CNOT10: variants seen among roughly 807,000 people sequenced by gnomAD.
CNOT10 encodes the protein CCR4-NOT transcription complex subunit 10.
A neutral mutation model predicts 94.6 loss-of-function variants in CNOT10; 30 were observed. That is an observed-to-expected ratio of 0.32 (90% confidence interval 0.24 to 0.43). The LOEUF (loss-of-function observed/expected upper bound fraction) is 0.43, where lower values mean the gene tolerates loss of function less well. Among genes scored for constraint, CNOT10 ranks in the 20% least tolerant of loss-of-function variants. The pLI is 1.00. For missense variants in CNOT10, 759 were observed against 877.2 expected (o/e 0.87, Z 1.70); for synonymous variants, 289 against 301.6 (o/e 0.96, Z 0.43).
chr3:32,695,930 A>C, intron 1 of CNOT10: 1 of 864,006 alleles, frequency 1.2e-6, no homozygotes, highest in Non-Finnish European at 1.8e-6. Flanking sequence ...AGAAATGTAC[A>C]AATACACAAG....
chr3:32,773,619 C>T lies in CNOT10; in HGVS notation c.*8C>T, dbSNP rs745753292. ...ACTGTGCAGAGAAAGTGATACTTCACTTTTGGAAAACTGTTACCTGAGACC... is the reference window on the plus strand; with the variant it reads ...ACTGTGCAGAGAAAGTGATACTTCATTTTTGGAAAACTGTTACCTGAGACC... On this transcript the variant is annotated 3_prime_UTR_variant, in exon 19 of 19. Transcript: ENST00000328834. 5 of 1,601,602 alleles carry T rather than the reference C, an allele frequency of 3.1e-6. No homozygotes were observed. The Admixed American group carries it at 8.7e-5, about 28-fold the overall frequency.
At chr3:32,738,115 A>G (rs997085032) in intron 13 of CNOT10, among the ~76,000 whole-genome samples, 58 of 152,282 alleles carry the variant, frequency 3.8e-4, no homozygotes, top group African/African-American at 1.3e-3. Flanking sequence ...TTTCTGCAAG[A>G]GTCTGTGTAA....
At chr3:32,701,900 C>T (rs1268625378) in intron 1 of CNOT10, among the ~76,000 whole-genome samples, 1 of 152,134 alleles carries the variant, frequency 6.6e-6, no homozygotes, top group Non-Finnish European at 1.5e-5. Flanking sequence ...TCACGCCATT[C>T]TCCTGCCTCA....
rs564349789 is a variant in CNOT10 at position 32,695,832 on chromosome 3, G to T, written c.23-8036G>T. On this transcript the variant is annotated intron_variant, in intron 1 of 18. Transcript: ENST00000328834. ...ATTATGTGCAGACTCTGTCTGGTAAGAAGTCAGTAGTTATAAATAATAAAT... is the reference window on the plus strand; with the variant it reads ...ATTATGTGCAGACTCTGTCTGGTAATAAGTCAGTAGTTATAAATAATAAAT... 100 of 1,532,094 alleles carry T rather than the reference G, an allele frequency of 6.5e-5. No individual in the cohort carries two copies. In the African/African-American group the frequency reaches 1.2e-3, roughly 19 times the overall value. The allele number at this position is 1,532,094 out of a possible 1,614,324, so 94.9% of individuals were successfully genotyped here.
chr3:32,701,288 A>G (rs1472874147), intron 1 of CNOT10, among the ~76,000 whole-genome samples: 2 of 152,084 alleles, frequency 1.3e-5, no homozygotes, highest in Non-Finnish European at 2.9e-5. Flanking sequence ...CATTACCTAT[A>G]TATAGTATTC....
intron 4 of CNOT10, among the ~76,000 whole-genome samples, chr3:32,710,751 C>G (rs1358812206): frequency 6.6e-6 from 1 of 152,062 alleles, no homozygotes; most frequent in Non-Finnish European, 1.5e-5. Flanking sequence ...GATGGGGTCT[C>G]TTTCTGTTGC....
intron 10 of CNOT10, 71 bp from the exon 11 acceptor site, chr3:32,733,352 A>G: frequency 1.3e-5 from 15 of 1,148,340 alleles, no homozygotes; most frequent in Non-Finnish European, 1.7e-5. Context: ...ATTGTGAGAG[A>G]TATTCCCTCA....
At chr3:32,725,711 T>A in intron 9 of CNOT10, 112 bp downstream of exon 9, 1 of 932,494 alleles carries the variant, frequency 1.1e-6, no homozygotes, top group Non-Finnish European at 1.5e-6. Context: ...TAGTTAACTC[T>A]GATCTTACCC....
chr3:32,757,625 T>C (rs570860678), intron 13 of CNOT10, among the ~76,000 whole-genome samples: 87 of 152,310 alleles, frequency 5.7e-4, no homozygotes, highest in African/African-American at 2.0e-3. Context: ...AAAATACAAA[T>C]AAGCCAAAAG....
intron 6 of CNOT10, 107 bp downstream of exon 6, chr3:32,716,418 C>A: frequency 1.8e-6 from 1 of 553,060 alleles, no homozygotes; most frequent in South Asian, 3.1e-5. Context: ...ATTCAAGGTG[C>A]ATATATTTGT....
intron 8 of CNOT10, among the ~76,000 whole-genome samples, chr3:32,720,896 T>TTCCC (rs1453401009): frequency 2.4e-5 from 1 of 42,414 alleles, no homozygotes; most frequent in Non-Finnish European, 4.2e-5. Flanking sequence ...CTTCTTTTCC[T>TTCCC]TCCTTCCTTC....
In CNOT10 at chr3:32,751,695, C is replaced by A. The variant is rs147199491; in HGVS notation, c.1596-7763C>A. ...GTGTGCTTAAGAAACCATATTTCTT[C>A]TTTTGTTAGCCCAGTGGTGATATTG... On this transcript the variant is annotated intron_variant, in intron 13 of 18. Transcript: ENST00000328834. Among the ~76,000 whole-genome samples, 331 of 152,272 alleles carry A rather than the reference C, an allele frequency of 2.2e-3. 1 individual carries two copies. Among genetic ancestry groups the A allele is most frequent in the African/African-American group, 7.7e-3 (320 of 41,554 alleles).
chr3:32,726,030 T>G (rs1412319780), intron 9 of CNOT10, among the ~76,000 whole-genome samples: 2 of 152,132 alleles, frequency 1.3e-5, no homozygotes, highest in African/African-American at 4.8e-5. Flanking sequence ...TTTCAACTTC[T>G]GCCTCCTGGG....
chr3:32,754,951 A>G (rs1700156418), intron 13 of CNOT10, among the ~76,000 whole-genome samples: 1 of 151,818 alleles, frequency 6.6e-6, no homozygotes, highest in African/African-American at 2.4e-5. Context: ...CAGTTTGTTG[A>G]AAGAAATTAC....
intron 13 of CNOT10, chr3:32,753,786 C>G (rs755019709): frequency 5.6e-6 from 9 of 1,599,406 alleles, no homozygotes; most frequent in Non-Finnish European, 7.7e-6. Context: ...TGAAATGTGC[C>G]ATGAACAGAT....
At chr3:32,696,573 T>G (rs541187299) in intron 1 of CNOT10, among the ~76,000 whole-genome samples, 2 of 152,202 alleles carry the variant, frequency 1.3e-5, no homozygotes, top group African/African-American at 2.4e-5. Flanking sequence ...CTTGTCAGCC[T>G]TAGAGTCCAG....
chr3:32,744,333 A>G (rs1699604543), intron 13 of CNOT10, among the ~76,000 whole-genome samples: 4 of 152,192 alleles, frequency 2.6e-5, no homozygotes, highest in South Asian at 2.1e-4. Context: ...CTTGTGTTCA[A>G]TAATACCCAA....
In CNOT10 at chr3:32,772,211, G is replaced by A. The variant is rs145684320; in HGVS notation, c.2081-1246G>A. Among the ~76,000 whole-genome samples, 287 of 152,300 alleles carry A rather than the reference G, an allele frequency of 1.9e-3. 1 individual carries two copies. Among genetic ancestry groups the A allele is most frequent in the African/African-American group, 6.6e-3 (274 of 41,558 alleles). On this transcript the variant is annotated intron_variant, in intron 18 of 18. Coordinates refer to ENST00000328834, the MANE Select transcript of CNOT10 (RefSeq NM_015442.3). ...TAAAAATACACAAAATTAGCTGGGC[G>A]TGTTGGCATACAGTTGTAGTTCCAG...
At chr3:32,743,666 T>C (rs769653597) in intron 13 of CNOT10, among the ~76,000 whole-genome samples, 3 of 152,096 alleles carry the variant, frequency 2.0e-5, no homozygotes, top group Non-Finnish European at 4.4e-5. Context: ...TAGTATATTG[T>C]CTTACGGTGG....
Sources: gnomAD v4.1 joint callset for allele counts (sites outside exome capture counted in the v4.1 genomes callset) on GRCh38, gnomAD v4.1.1 for gene constraint, MANE v1.5 for transcripts, NCBI Gene and HGNC (gene_info 2026-07-23, HGNC 2026-07-21) for gene names.